Variants in DOCK1 observed in about 807,000 individuals in gnomAD.
The protein encoded by DOCK1 is dedicator of cytokinesis 1.
DOCK1 carries 138 observed loss-of-function variants against 262.7 expected under a neutral mutation model. The ratio of observed to expected loss-of-function variants is 0.53; its 90% CI spans 0.46 to 0.61. The LOEUF is 0.61. Ranked by LOEUF, DOCK1 falls within the 20% of genes least tolerant of loss-of-function variation. The probability of loss-of-function intolerance (pLI) is 0.00; values close to 1 mark genes in which losing one functional copy is unlikely to be tolerated. For missense variants in DOCK1, 1,908 were observed against 2,370.7 expected (o/e 0.80, Z 4.05); for synonymous variants, 866 against 867.4 (o/e 1.00, Z 0.03).
intron 23 of DOCK1, among the ~76,000 whole-genome samples, chr10:127,093,246 T>TC (rs56960227): frequency 1.4e-4 from 19 of 132,792 alleles, no homozygotes; most frequent in African/African-American, 5.3e-4. Flanking sequence ...TTTCTTCTTT[T>TC]TTTTTTTTTT....
chr10:127,052,525 C>CAAA (rs71490107), intron 21 of DOCK1, among the ~76,000 whole-genome samples, 156 bp from the exon 22 acceptor site: 1 of 138,806 alleles, frequency 7.2e-6, no homozygotes, highest in Non-Finnish European at 1.6e-5. Context: ...CTGTCTCAAA[C>CAAA]AAAAAAAAAA....
chr10:127,053,183 A>G (rs1334371232), intron 22 of DOCK1, among the ~76,000 whole-genome samples: 1 of 152,168 alleles, frequency 6.6e-6, no homozygotes, highest in Non-Finnish European at 1.5e-5. Flanking sequence ...AAGAAAAACA[A>G]CAACAAAAAT....
intron 27 of DOCK1, among the ~76,000 whole-genome samples, chr10:127,134,967 G>A (rs190676274): frequency 1.1e-4 from 16 of 152,256 alleles, no homozygotes; most frequent in African/African-American, 3.1e-4. Context: ...ACTAGGGAGG[G>A]GAAGAAGAAA....
At chr10:127,193,401 G>A (rs557546311) in intron 27 of DOCK1, among the ~76,000 whole-genome samples, 32 of 152,276 alleles carry the variant, frequency 2.1e-4, no homozygotes, top group African/African-American at 5.3e-4. Context: ...GTTAAAATCC[G>A]TGGTGAACCT....
intron 44 of DOCK1, among the ~76,000 whole-genome samples, chr10:127,416,423 T>G (rs1256974579): frequency 1.3e-5 from 2 of 152,188 alleles, no homozygotes; most frequent in Non-Finnish European, 2.9e-5. Context: ...CCTCTGCCCA[T>G]GAGCCCTTTG....
At chr10:127,216,387 C>G (rs1198043467) in intron 27 of DOCK1, among the ~76,000 whole-genome samples, 1 of 151,810 alleles carries the variant, frequency 6.6e-6, no homozygotes, top group African/African-American at 2.4e-5. Context: ...TACTTATGGG[C>G]AGAGAGAGAC....
intron 27 of DOCK1, chr10:127,195,883 G>A (rs2057096855): frequency 6.6e-6 from 1 of 152,252 alleles, no homozygotes; most frequent in African/African-American, 2.4e-5. Context: ...GCCGGTTTGG[G>A]GCCGAGTGTG....
chr10:126,977,083 C>T (rs775438030), intron 2 of DOCK1, among the ~76,000 whole-genome samples: 2 of 152,176 alleles, frequency 1.3e-5, no homozygotes, highest in Non-Finnish European at 2.9e-5. Context: ...CCTGGAGTGA[C>T]TTCAGAATGT....
intron 27 of DOCK1, among the ~76,000 whole-genome samples, chr10:127,179,330 T>C (rs1188407131): frequency 6.6e-6 from 1 of 152,238 alleles, no homozygotes; most frequent in Non-Finnish European, 1.5e-5. Context: ...TTCTCTGTTT[T>C]ATAGAGGGTT....
intron 22 of DOCK1, among the ~76,000 whole-genome samples, chr10:127,059,949 A>T (rs1193247853): frequency 2.0e-5 from 3 of 152,164 alleles, no homozygotes; most frequent in African/African-American, 7.2e-5. Flanking sequence ...CTTCTAGACA[A>T]AGTGGGGCTG....
chr10:127,220,956 G>A (rs955683970), intron 27 of DOCK1, among the ~76,000 whole-genome samples: 1 of 152,204 alleles, frequency 6.6e-6, no homozygotes, highest in Non-Finnish European at 1.5e-5. Context: ...GCAGCTGGAA[G>A]GCAGTAGGTT....
chr10:127,068,349 A>G (rs912501239), intron 23 of DOCK1, among the ~76,000 whole-genome samples: 8 of 152,156 alleles, frequency 5.3e-5, no homozygotes, highest in African/African-American at 1.9e-4. Flanking sequence ...TGTGTTAGGG[A>G]TGATGATAAT....
intron 29 of DOCK1, among the ~76,000 whole-genome samples, chr10:127,324,506 T>C (rs1016241869): frequency 6.6e-6 from 1 of 152,144 alleles, no homozygotes; most frequent in Non-Finnish European, 1.5e-5. Flanking sequence ...CAGCTTTCTT[T>C]CTAAACCCAT....
At chr10:127,329,516 G>A (rs1250574652) in intron 29 of DOCK1, among the ~76,000 whole-genome samples, 1 of 151,024 alleles carries the variant, frequency 6.6e-6, no homozygotes, top group Non-Finnish European at 1.5e-5. Flanking sequence ...AGACACTGGG[G>A]TGCTGGGGCG....
intron 27 of DOCK1, among the ~76,000 whole-genome samples, chr10:127,220,093 G>C (rs936554302): frequency 6.6e-6 from 1 of 151,988 alleles, no homozygotes; most frequent in Non-Finnish European, 1.5e-5. Flanking sequence ...AGAAAAAAAT[G>C]TTCAAAGATT....
chr10:127,289,640 T>C (rs540504862), intron 29 of DOCK1, among the ~76,000 whole-genome samples: 23 of 152,182 alleles, frequency 1.5e-4, no homozygotes, highest in Non-Finnish European at 4.4e-5. Flanking sequence ...CAGACTTTTG[T>C]ACCTTTGAAA....
intron 47 of DOCK1, among the ~76,000 whole-genome samples, chr10:127,429,363 C>A (rs930696289): frequency 6.6e-6 from 1 of 152,186 alleles, no homozygotes; most frequent in African/African-American, 2.4e-5. Context: ...ACTGGCAGGT[C>A]CCCTTGTCCT....
chr10:127,046,188 G>A (rs750543982), intron 21 of DOCK1, among the ~76,000 whole-genome samples: 13 of 152,164 alleles, frequency 8.5e-5, no homozygotes, highest in Non-Finnish European at 2.9e-5. Flanking sequence ...GCGTGGTCCA[G>A]TAAGTTTGGG....
chr10:126,930,099 C>A (rs1248860152), intron 1 of DOCK1, among the ~76,000 whole-genome samples: 1 of 152,194 alleles, frequency 6.6e-6, no homozygotes, highest in Non-Finnish European at 1.5e-5. Context: ...GTCCATTTAG[C>A]GTGCTTATCC....
Sources: allele counts gnomAD v4.1 joint callset (sites outside exome capture counted in the v4.1 genomes callset), GRCh38; gene constraint gnomAD v4.1.1; transcripts MANE v1.5; gene names NCBI Gene and HGNC (gene_info 2026-07-23, HGNC 2026-07-21).